APC: variants seen among roughly 807,000 people sequenced by gnomAD.
APC encodes APC regulator of Wnt signaling pathway.
A neutral mutation model predicts 247.0 loss-of-function variants in APC; 72 were observed. That is an observed-to-expected ratio of 0.29 (90% CI 0.24 to 0.35). APC has a LOEUF of 0.35. Ranked by LOEUF, APC falls within the 10% of genes least tolerant of loss-of-function variation. The probability of loss-of-function intolerance (pLI) is 1.00; values close to 1 mark genes in which losing one functional copy is unlikely to be tolerated. For missense variants in APC, 3,400 were observed against 3,360.7 expected, an observed-to-expected ratio of 1.01 and a Z score of -0.29; for synonymous variants, 1,254 against 1,162.5, an observed-to-expected ratio of 1.08 and a Z score of -1.60.
At chr5:112,780,967 C>A in intron 6 of APC, 64 bp downstream of exon 6, 1 of 1,069,396 alleles carries the variant, frequency 9.4e-7, no homozygotes, top group Non-Finnish European at 1.4e-6. Flanking sequence ...TGAATTACAG[C>A]TCTGTTAATA....
rs1765617574 is a variant in APC, at chr5:112,839,753, T to A, written c.4159T>A (p.Cys1387Ser). ...VQETPLMFSRCTSVSSLDSFE... is the reference protein window; with the variant it reads ...VQETPLMFSRSTSVSSLDSFE... ...GGAGACCCCACTCATGTTTAGCAGA[T>A]GTACTTCTGTCAGTTCACTTGATAG... Residue 1387 changes from cysteine to serine, a missense_variant, in exon 16 of 16, where the codon TGT becomes AGT. Cys to Ser is a moderately radical substitution (Grantham distance 112, BLOSUM62 -1). Coordinates refer to ENST00000257430, the MANE Select transcript of APC (RefSeq NM_000038.6). The surrounding 1 kb of genome is among the most constrained non-coding windows in gnomAD (Gnocchi z 5.0). 1.2e-6 allele frequency: 2 copies of A among 1,614,160 alleles called. No homozygotes were observed. The highest frequency in any genetic ancestry group is 1.7e-6 in the Non-Finnish European group (2 of 1,180,020).
chr5:112,806,519 A>G (rs922508337), intron 8 of APC, among the ~76,000 whole-genome samples: 5 of 151,606 alleles, frequency 3.3e-5, no homozygotes, highest in Admixed American at 6.6e-5. Flanking sequence ...GCATATAACT[A>G]TGTGTATAAT....
Position 112,842,146 on chromosome 5 carries a change from A to G in APC, c.6552A>G (p.Glu2184=), listed in dbSNP as rs1580671887. The G allele has an allele frequency of 6.2e-7, 1 of 1,612,016 alleles. No homozygotes were observed. Among genetic ancestry groups the G allele is most frequent in the South Asian group, 1.1e-5 (1 of 90,792 alleles). ...STLETKKIES[E]SKGIKGGKKV... is the part of the protein sequence containing the mutation. ...TGGAAACTAAAAAGATAGAATCTGA[A>G]AGTAAAGGAATCAAAGGAGGAAAAA... The change falls in exon 16 of 16, where the codon GAA becomes GAG. Residue 2184 remains glutamate, a synonymous_variant. Coordinates refer to ENST00000257430, the MANE Select transcript of APC (RefSeq NM_000038.6).
At chr5:112,781,388 T>C (rs898509867) in intron 6 of APC, among the ~76,000 whole-genome samples, 2 of 152,170 alleles carry the variant, frequency 1.3e-5, no homozygotes, top group Non-Finnish European at 2.9e-5. Flanking sequence ...CAAGAAAGAG[T>C]ATTAGCTAGC....
intron 1 of APC, among the ~76,000 whole-genome samples, chr5:112,719,620 C>T (rs181736589): frequency 7.8e-4 from 118 of 151,208 alleles, no homozygotes; most frequent in Non-Finnish European, 1.4e-3. Context: ...CTGCAACCTC[C>T]GCCTCCCAGG....
At chr5:112,763,318 A>G (rs1445794263) in intron 2 of APC, among the ~76,000 whole-genome samples, 2 of 151,554 alleles carry the variant, frequency 1.3e-5, no homozygotes, top group African/African-American at 4.8e-5. Flanking sequence ...TCTTTTCTCT[A>G]TACATTTATG....
intron 7 of APC, among the ~76,000 whole-genome samples, chr5:112,794,378 C>A (rs544107233): frequency 6.6e-6 from 1 of 152,300 alleles, no homozygotes; most frequent in East Asian, 1.9e-4. Context: ...CTGCGCCTGA[C>A]CCCTGTTAAA....
At chr5:112,803,527 A>G (rs1027039653) in intron 8 of APC, among the ~76,000 whole-genome samples, 4 of 152,232 alleles carry the variant, frequency 2.6e-5, no homozygotes, top group Admixed American at 2.0e-4. Context: ...GTAAAATAAG[A>G]TGATGATAAA....
At chr5:112,764,330 G>C (rs6867243) in intron 2 of APC, among the ~76,000 whole-genome samples, 1 of 151,462 alleles carries the variant, frequency 6.6e-6, no homozygotes. Context: ...TGAGCCACTT[G>C]GGAAATTATT....
chr5:112,797,755 T>G (rs1760366638), intron 7 of APC, among the ~76,000 whole-genome samples: 1 of 152,154 alleles, frequency 6.6e-6, no homozygotes, highest in Non-Finnish European at 1.5e-5. Flanking sequence ...TAAATACAAC[T>G]CACCTTTTAA....
intron 1 of APC, among the ~76,000 whole-genome samples, chr5:112,709,803 G>T (rs546929466): frequency 1.3e-3 from 199 of 152,284 alleles, no homozygotes; most frequent in Non-Finnish European, 2.3e-3. Context: ...TACTTGGGAG[G>T]CTGAGGCAGG....
In APC at chr5:112,741,992, T is replaced by C. The variant is rs991725468; in HGVS notation, c.-19+4067T>C. Among the ~76,000 whole-genome samples the C allele has an allele frequency of 5.3e-5, 8 of 152,238 alleles. 1 individual carries two copies. The highest frequency in any genetic ancestry group is 4.6e-4 in the Admixed American group (7 of 15,288). On this transcript the variant is annotated intron_variant, in intron 1 of 15. Transcript: ENST00000257430. The stretch of plus-strand genomic sequence containing the variant: ...TAGGTCTAAATGATGTTCCATTGCA[T>C]GTATATGCCACATTTTGTTCATTCA...
At chr5:112,810,413 G>T (rs924109989) in intron 8 of APC, 1 of 217,408 alleles carries the variant, frequency 4.6e-6, no homozygotes, top group Non-Finnish European at 9.4e-6. Flanking sequence ...AAGAGAAGAA[G>T]AGCCACAGTT....
chr5:112,803,150 G>A (rs1034314743), intron 8 of APC, among the ~76,000 whole-genome samples: 1 of 152,074 alleles, frequency 6.6e-6, no homozygotes, highest in Non-Finnish European at 1.5e-5. Context: ...GAGCAAACAG[G>A]CATTCTCATA....
chr5:112,817,154 G>A (rs1382302998), intron 9 of APC, among the ~76,000 whole-genome samples: 1 of 152,124 alleles, frequency 6.6e-6, no homozygotes, highest in Admixed American at 6.6e-5. Context: ...AGAGGCATGA[G>A]TGACCACACC....
intron 6 of APC, among the ~76,000 whole-genome samples, chr5:112,787,618 C>T (rs768858979): frequency 6.6e-6 from 1 of 152,130 alleles, no homozygotes; most frequent in Non-Finnish European, 1.5e-5. Context: ...CCTCATATCC[C>T]TTGCTCATTC....
At chr5:112,832,432 T>C (rs892622984) in intron 14 of APC, among the ~76,000 whole-genome samples, 4 of 152,244 alleles carry the variant, frequency 2.6e-5, no homozygotes, top group Admixed American at 1.3e-4. Flanking sequence ...CTACCACTTA[T>C]GTGACAAATT....
intron 1 of APC, among the ~76,000 whole-genome samples, chr5:112,740,789 G>A (rs1042338509): frequency 6.6e-6 from 1 of 152,086 alleles, no homozygotes; most frequent in Non-Finnish European, 1.5e-5. Context: ...GCCTCCCAAA[G>A]TGCTGGGATT....
intron 2 of APC, among the ~76,000 whole-genome samples, chr5:112,759,917 T>A (rs1008204854): frequency 2.0e-5 from 3 of 152,318 alleles, no homozygotes. Context: ...TTCTAGGTTG[T>A]ATGCAGTATG....
Sources: gnomAD v4.1 joint callset for allele counts (sites outside exome capture counted in the v4.1 genomes callset) on GRCh38, gnomAD v4.1.1 for gene constraint, Gnocchi (gnomAD v3.1) non-coding constraint, MANE v1.5 for transcripts, NCBI Gene and HGNC (gene_info 2026-07-23, HGNC 2026-07-21) for gene names.